The following UBE3A variants were observed in gnomAD, a reference collection of about 807,000 sequenced individuals.
UBE3A encodes ubiquitin-protein ligase E3A.
In UBE3A, 6 loss-of-function variants were observed where a neutral mutation model predicts 83.4. That is an observed-to-expected ratio of 0.07 (90% CI 0.04 to 0.14). The LOEUF (loss-of-function observed/expected upper bound fraction) is 0.14, where lower values mean the gene tolerates loss of function less well. Ranked by LOEUF, UBE3A falls within the 10% of genes least tolerant of loss-of-function variation. The probability of loss-of-function intolerance (pLI) is 1.00; values close to 1 mark genes in which losing one functional copy is unlikely to be tolerated. For missense variants in UBE3A, 456 were observed against 1,036.1 expected, an observed-to-expected ratio of 0.44 and a Z score of 7.69; for synonymous variants, 337 against 355.4, an observed-to-expected ratio of 0.95 and a Z score of 0.58.
intron 4 of UBE3A, among the ~76,000 whole-genome samples, chr15:25,399,570 GTTTCT>G (rs553881217): frequency 4.6e-5 from 7 of 151,376 alleles, no homozygotes; most frequent in Non-Finnish European, 5.9e-5. Context: ...CTGTTTTTTT[GTTTCT>G]TTTGTTTTTA....
rs587781236 is a variant in UBE3A at position 25,355,989 on chromosome 15, G to C, written c.2027C>G (p.Thr676Ser). Reference sequence around the variant, plus strand: ...AAGATCTGTCTGTGATATCTGGAAAGTGATCATCATGTCATCTTCCACATT... The same window carrying C: ...AAGATCTGTCTGTGATATCTGGAAACTGATCATCATGTCATCTTCCACATT... ...EGNVEDDMMI[T>S]FQISQTDLFG... Residue 676 changes from threonine (T) to serine (S), a missense_variant, in exon 9 of 13, where the codon ACT becomes AGT. Around this residue, in one of 13 missense-constraint regions of UBE3A, gnomAD observed 82 missense variants for 199.3 expected, o/e 0.41. Transcript: ENST00000648336. 5 of 1,613,690 alleles carry C rather than the reference G, an allele frequency of 3.1e-6. No individual in the cohort carries two copies. In the South Asian group the frequency reaches 5.5e-5, roughly 18 times the overall value.
At chr15:25,355,262 TGTGGAA>T (rs1202535860) in intron 9 of UBE3A, among the ~76,000 whole-genome samples, 1 of 152,128 alleles carries the variant, frequency 6.6e-6, no homozygotes, top group Non-Finnish European at 1.5e-5. Flanking sequence ...TCAGCAAAAA[TGTGGAA>T]GTACTGACTG....
At position 25,339,064 on chromosome 15, in the gene UBE3A, T is replaced by C. The variant is rs1317222121; in HGVS notation, c.*73A>G. ...ACCACCAAAAATTTATCCCTCGTTATATTTTTAAAATTTTTTAAATTTTTT... is the reference window on the plus strand; with the variant it reads ...ACCACCAAAAATTTATCCCTCGTTACATTTTTAAAATTTTTTAAATTTTTT... On this transcript the variant is annotated 3_prime_UTR_variant, in exon 13 of 13. Transcript: ENST00000648336. 3 of 1,440,472 alleles carry C rather than the reference T, an allele frequency of 2.1e-6. No individual in the cohort carries two copies. Among genetic ancestry groups the C allele is most frequent in the Non-Finnish European group, 2.7e-6 (3 of 1,097,788 alleles). The allele number at this position is 1,440,472 out of a possible 1,614,324, so 89.2% of individuals were successfully genotyped here. A position where few individuals can be genotyped will look rare whatever the true frequency, so the allele number is the denominator to read the frequency against.
chr15:25,353,755 G>T (rs1247854487), intron 11 of UBE3A, among the ~76,000 whole-genome samples: 1 of 152,154 alleles, frequency 6.6e-6, no homozygotes, highest in Non-Finnish European at 1.5e-5. Flanking sequence ...AGGGGATGGG[G>T]AAGCCTATGT....
intron 11 of UBE3A, 67 bp downstream of exon 11, chr15:25,354,286 G>A (rs2076926164): frequency 2.1e-6 from 3 of 1,441,820 alleles, no homozygotes; most frequent in Non-Finnish European, 2.9e-6. Flanking sequence ...TAGAGATAAA[G>A]GTCTGAAGCA....
At chr15:25,428,785 C>T (rs1892169971) in intron 1 of UBE3A, among the ~76,000 whole-genome samples, 1 of 151,870 alleles carries the variant, frequency 6.6e-6, no homozygotes, top group Admixed American at 6.6e-5. Flanking sequence ...CTAGAAATGC[C>T]CACATAATGC....
At chr15:25,425,546 T>C (rs1891077494) in intron 1 of UBE3A, among the ~76,000 whole-genome samples, 1 of 152,160 alleles carries the variant, frequency 6.6e-6, no homozygotes, top group African/African-American at 2.4e-5. Context: ...TGTATGTATA[T>C]CAGTACTTTT....
intron 11 of UBE3A, among the ~76,000 whole-genome samples, chr15:25,341,485 C>T (rs185154184): frequency 1.3e-4 from 19 of 151,368 alleles, no homozygotes; most frequent in African/African-American, 4.1e-4. Context: ...TTTCCAGAGC[C>T]AGGTGTGGTG....
chr15:25,381,930 T>C (rs540198468), intron 4 of UBE3A, among the ~76,000 whole-genome samples: 3 of 152,328 alleles, frequency 2.0e-5, no homozygotes, highest in Admixed American at 6.5e-5. Context: ...AACAAAAACC[T>C]ATTAAATATA....
At chr15:25,381,265 T>C (rs2082120035) in intron 4 of UBE3A, among the ~76,000 whole-genome samples, 1 of 152,186 alleles carries the variant, frequency 6.6e-6, no homozygotes, top group South Asian at 2.1e-4. Context: ...CGTGTCTGGC[T>C]TAGTTCACTA....
intron 1 of UBE3A, among the ~76,000 whole-genome samples, chr15:25,429,561 G>A (rs1175926045): frequency 6.6e-6 from 1 of 152,058 alleles, no homozygotes; most frequent in Non-Finnish European, 1.5e-5. Flanking sequence ...ATAAAAATAT[G>A]ATACAGGCTG....
At chr15:25,392,390 T>C (rs1226810759) in intron 4 of UBE3A, among the ~76,000 whole-genome samples, 1 of 152,194 alleles carries the variant, frequency 6.6e-6, no homozygotes, top group Admixed American at 6.5e-5. Context: ...CTAGAGACAT[T>C]TGTATTCTCC....
At chr15:25,361,037 A>G (rs2077990586) in intron 6 of UBE3A, among the ~76,000 whole-genome samples, 1 of 152,266 alleles carries the variant, frequency 6.6e-6, no homozygotes, top group East Asian at 1.9e-4. Context: ...GACTTAGTAT[A>G]AATTACCACC....
At chr15:25,433,958 T>C (rs1894250507) in intron 1 of UBE3A, among the ~76,000 whole-genome samples, 1 of 152,116 alleles carries the variant, frequency 6.6e-6, no homozygotes, top group African/African-American at 2.4e-5. Flanking sequence ...TAATCCCACC[T>C]ACTCAGGAGG....
At chr15:25,417,224 T>C (rs947650258) in intron 1 of UBE3A, among the ~76,000 whole-genome samples, 1 of 152,012 alleles carries the variant, frequency 6.6e-6, no homozygotes, top group African/African-American at 2.4e-5. Context: ...TAGTAAAGAC[T>C]CAGAAGGATC....
Position 25,340,184 on chromosome 15 carries a change from C to T in UBE3A, c.2399G>A (p.Arg800Lys), listed in dbSNP as rs1216352933. 6.2e-7 allele frequency: 1 copy of T among 1,613,808 alleles called. No individual in the cohort carries two copies. The highest frequency in any genetic ancestry group is 8.5e-7 in the Non-Finnish European group (1 of 1,179,972). ...GCCCGTTGTAAACTGCAAGAAGAGTCTTTTCTGTTCATCTGTAAATGAATG... is the reference window on the plus strand; with the variant it reads ...GCCCGTTGTAAACTGCAAGAAGAGTTTTTTCTGTTCATCTGTAAATGAATG... ...IVHSFTDEQK[R>K]LFLQFTTGTD... Residue 800 changes from arginine (R) to lysine (K), a missense_variant, in exon 12 of 13, where the codon AGA becomes AAA. Arg to Lys is a conservative substitution (Grantham distance 26). Around this residue, in one of 13 missense-constraint regions of UBE3A, gnomAD observed 82 missense variants for 199.3 expected, o/e 0.41. Coordinates refer to ENST00000648336, the MANE Select transcript of UBE3A (RefSeq NM_130839.5).
chr15:25,339,303 G>A, intron 12 of UBE3A, 46 bp from the exon 13 acceptor site: 1 of 1,599,590 alleles, frequency 6.3e-7, no homozygotes. Context: ...GTAAGTCATG[G>A]GAAATACACT....
rs1277994235 is a variant in UBE3A, at chr15:25,370,475, A to T, written c.1608+91T>A. ...TCCATGTGTTCCTATGCTATATGGT[A>T]TCATTTTTTTCAGTCACTTTTAAAA... On this transcript the variant is annotated intron_variant, in intron 6 of 12. Transcript: ENST00000648336. This position sits in a 1 kb window ranked among gnomAD's most constrained non-coding sequence, Gnocchi z 4.2. 3 of 1,445,326 alleles carry T rather than the reference A, an allele frequency of 2.1e-6. No individual in the cohort carries two copies. The highest frequency in any genetic ancestry group is 1.1e-5 in the South Asian group (1 of 87,108). 89.5% of individuals were successfully genotyped at this position (1,445,326 alleles called of 1,614,324 possible). A position where few individuals can be genotyped will look rare whatever the true frequency, so the allele number is the denominator to read the frequency against.
intron 7 of UBE3A, among the ~76,000 whole-genome samples, chr15:25,358,883 T>G (rs375312997): frequency 1.1e-3 from 161 of 152,308 alleles, no homozygotes; most frequent in African/African-American, 3.8e-3. Flanking sequence ...AAGTATGGTA[T>G]TAACAGGATC....
Sources: allele counts gnomAD v4.1 joint callset (sites outside exome capture counted in the v4.1 genomes callset), GRCh38; gene constraint gnomAD v4.1.1; regional missense constraint gnomAD v4.1.1; non-coding constraint Gnocchi (gnomAD v3.1); transcripts MANE v1.5; gene names NCBI Gene and HGNC (gene_info 2026-07-23, HGNC 2026-07-21).